The following NRXN3 variants were observed in gnomAD, a reference collection of about 807,000 sequenced individuals.
NRXN3 encodes neurexin III.
A neutral mutation model predicts 137.6 loss-of-function variants in NRXN3; 32 were observed. That is an observed-to-expected ratio of 0.23 (90% CI 0.18 to 0.31). The LOEUF is 0.31. NRXN3 is among the 10% of genes least tolerant of loss of function. The pLI is 1.00. For missense variants in NRXN3, 1,574 were observed against 2,062.5 expected (o/e 0.76, Z 4.59); for synonymous variants, 798 against 784.5 (o/e 1.02, Z -0.29).
intron 15 of NRXN3, among the ~76,000 whole-genome samples, chr14:79,358,992 A>G: frequency 6.6e-6 from 1 of 152,276 alleles, no homozygotes; most frequent in East Asian, 1.9e-4. Context: ...CCCATAATAC[A>G]TTAATGTATA....
chr14:78,251,273 TA>T (rs957579801), intron 2 of NRXN3, among the ~76,000 whole-genome samples: 4 of 151,264 alleles, frequency 2.6e-5, no homozygotes, highest in East Asian at 1.9e-4. Context: ...TCTCTGCATG[TA>T]AAAAAAAACA....
At chr14:79,376,435 C>G (rs1385322476) in intron 15 of NRXN3, among the ~76,000 whole-genome samples, 3 of 151,688 alleles carry the variant, frequency 2.0e-5, no homozygotes, top group African/African-American at 7.3e-5. Context: ...CCTTCAAATC[C>G]TCATCCTCCA....
At chr14:78,800,851 C>T (rs1567348505) in intron 8 of NRXN3, among the ~76,000 whole-genome samples, 1 of 152,166 alleles carries the variant, frequency 6.6e-6, no homozygotes, top group Admixed American at 6.6e-5. Context: ...AGAATAGTGC[C>T]TGGCAATCAG....
At chr14:79,558,539 G>A (rs1224045878) in intron 16 of NRXN3, among the ~76,000 whole-genome samples, 1 of 151,636 alleles carries the variant, frequency 6.6e-6, no homozygotes, top group African/African-American at 2.4e-5. Context: ...AATTTTGATA[G>A]GATGTTCTTT....
chr14:79,170,040 C>G (rs973134428), intron 15 of NRXN3, among the ~76,000 whole-genome samples: 1 of 152,064 alleles, frequency 6.6e-6, no homozygotes, highest in Non-Finnish European at 1.5e-5. Flanking sequence ...CGAGAATAGT[C>G]TTCCACACTT....
intron 15 of NRXN3, among the ~76,000 whole-genome samples, chr14:79,424,346 T>G (rs1420382513): frequency 6.6e-6 from 1 of 152,154 alleles, no homozygotes; most frequent in Non-Finnish European, 1.5e-5. Context: ...GCATTCAGAT[T>G]TACCTCCTAA....
rs74892075 is a variant in NRXN3 at position 78,336,626 on chromosome 14, T to C, written c.757+38766T>C. Among the ~76,000 whole-genome samples the C allele has an allele frequency of 3.4e-3, 516 of 152,248 alleles. 3 individuals carry two copies. The highest frequency in any genetic ancestry group is 0.012 in the African/African-American group (488 of 41,564). On this transcript the variant is annotated intron_variant, in intron 4 of 20. Coordinates refer to ENST00000335750, the MANE Select transcript of NRXN3 (RefSeq NM_001330195.2). ...GTCTTAAGTGGACATCCTCTGCTCATTGTTTGATAGATGAGGAGAGTAAGT... is the reference window on the plus strand; with the variant it reads ...GTCTTAAGTGGACATCCTCTGCTCACTGTTTGATAGATGAGGAGAGTAAGT...
chr14:79,084,756 A>T (rs1315371915), intron 15 of NRXN3, among the ~76,000 whole-genome samples: 1 of 152,086 alleles, frequency 6.6e-6, no homozygotes, highest in African/African-American at 2.4e-5. Flanking sequence ...GATTTTTTTA[A>T]AAACAAAGGT....
intron 19 of NRXN3, among the ~76,000 whole-genome samples, chr14:79,717,702 C>T (rs1313616020): frequency 6.6e-6 from 1 of 152,158 alleles, no homozygotes; most frequent in African/African-American, 2.4e-5. Flanking sequence ...TTAAGGTGCC[C>T]AAGCTACTAT....
At chr14:79,560,447 C>T (rs1281698216) in intron 16 of NRXN3, among the ~76,000 whole-genome samples, 2 of 148,824 alleles carry the variant, frequency 1.3e-5, no homozygotes, top group Admixed American at 6.7e-5. Flanking sequence ...TTTCTGGAAG[C>T]CATTTTGACA....
intron 15 of NRXN3, among the ~76,000 whole-genome samples, chr14:79,149,475 G>GA (rs1183738010): frequency 1.3e-5 from 2 of 151,838 alleles, no homozygotes; most frequent in Non-Finnish European, 2.9e-5. Context: ...GTATCTTTCA[G>GA]AAAAAATCAA....
chr14:79,708,982 TGAGAGAGA>T (rs142447936), intron 19 of NRXN3, among the ~76,000 whole-genome samples: 9 of 150,164 alleles, frequency 6.0e-5, no homozygotes, highest in Admixed American at 6.7e-5. Flanking sequence ...TGTGTGTGTG[TGAGAGAGA>T]GAGAGAGAGA....
chr14:78,800,696 C>T (rs1239229924), intron 8 of NRXN3, among the ~76,000 whole-genome samples: 2 of 152,150 alleles, frequency 1.3e-5, no homozygotes, highest in Non-Finnish European at 2.9e-5. Flanking sequence ...GGTATCTGAA[C>T]AGAGTAGGGA....
chr14:79,457,651 C>G (rs193268998), intron 15 of NRXN3, among the ~76,000 whole-genome samples: 14 of 152,236 alleles, frequency 9.2e-5, no homozygotes, highest in Admixed American at 2.0e-4. Flanking sequence ...TGAATTAAAG[C>G]CACAAATACA....
At chr14:79,055,278 A>G (rs1324960498) in intron 15 of NRXN3, among the ~76,000 whole-genome samples, 1 of 152,210 alleles carries the variant, frequency 6.6e-6, no homozygotes, top group Non-Finnish European at 1.5e-5. Context: ...GTTGTTATTC[A>G]TTGAACACCT....
At chr14:78,928,154 A>T (rs1462328513) in intron 10 of NRXN3, among the ~76,000 whole-genome samples, 1 of 151,856 alleles carries the variant, frequency 6.6e-6, no homozygotes, top group Non-Finnish European at 1.5e-5. Flanking sequence ...CACTTCCTCA[A>T]TTTGCTCTCT....
chr14:78,974,693 G>T (rs31431), intron 14 of NRXN3, among the ~76,000 whole-genome samples: 23,621 of 151,024 alleles, frequency 0.16, 2,326 homozygotes, highest in African/African-American at 0.26. Context: ...TTTTTTTTTC[G>T]ATTATTTGGG....
At chr14:79,153,375 A>T (rs945455717) in intron 15 of NRXN3, among the ~76,000 whole-genome samples, 1 of 152,040 alleles carries the variant, frequency 6.6e-6, no homozygotes, top group African/African-American at 2.4e-5. Flanking sequence ...GAAGCAGAAT[A>T]CTTAAAAGAC....
intron 15 of NRXN3, among the ~76,000 whole-genome samples, chr14:79,282,677 G>A (rs2081474950): frequency 6.6e-6 from 1 of 152,142 alleles, no homozygotes; most frequent in African/African-American, 2.4e-5. Context: ...AAAATAAGAA[G>A]AAAGTAAGTA....
Sources: gnomAD v4.1 joint callset for allele counts (sites outside exome capture counted in the v4.1 genomes callset) on GRCh38, gnomAD v4.1.1 for gene constraint, MANE v1.5 for transcripts, NCBI Gene and HGNC (gene_info 2026-07-23, HGNC 2026-07-21) for gene names.